Variants in ADAMTS17 observed in about 807,000 individuals in gnomAD.
ADAMTS17 encodes the protein ADAM metallopeptidase with thrombospondin type 1 motif 17, also known as A disintegrin and metalloproteinase with thrombospondin motifs 17.
In ADAMTS17, 113 loss-of-function variants were observed where a neutral mutation model predicts 141.5. That is an observed-to-expected ratio of 0.80 (90% CI 0.69 to 0.93). The LOEUF is 0.93. Ranked by LOEUF, ADAMTS17 falls within the 40% of genes least tolerant of loss-of-function variation. The probability of loss-of-function intolerance (pLI) is 0.00; values close to 1 mark genes in which losing one functional copy is unlikely to be tolerated. For synonymous variants in ADAMTS17, 768 were observed against 630.6 expected (o/e 1.22, Z -3.27); for missense variants, 1,659 against 1,517.9 (o/e 1.09, Z -1.54).
chr15:100,257,060 C>T (rs73481943), intron 6 of ADAMTS17: 17,616 of 152,254 alleles, frequency 0.12, 2,267 homozygotes, highest in African/African-American at 0.32. Context: ...ATACACTGTC[C>T]GGCTTGACCA....
At chr15:100,286,142 G>A (rs2044439427) in intron 3 of ADAMTS17, among the ~76,000 whole-genome samples, 1 of 152,094 alleles carries the variant, frequency 6.6e-6, no homozygotes, top group Non-Finnish European at 1.5e-5. Context: ...CCACCACTTT[G>A]TCAGCAAACA....
chr15:100,153,282 C>T (rs28699493), intron 9 of ADAMTS17, among the ~76,000 whole-genome samples: 22,637 of 152,122 alleles, frequency 0.15, 5,660 homozygotes, highest in African/African-American at 0.52. Flanking sequence ...CAACACTCGC[C>T]GAGGACTTCA....
intron 2 of ADAMTS17, among the ~76,000 whole-genome samples, chr15:100,337,711 A>C (rs909428320): frequency 6.6e-6 from 1 of 152,228 alleles, no homozygotes; most frequent in African/African-American, 2.4e-5. Flanking sequence ...TGGCAGACCA[A>C]ACCCGACAGC....
At chr15:100,048,010 C>T (rs1039844441) in intron 18 of ADAMTS17, among the ~76,000 whole-genome samples, 5 of 152,140 alleles carry the variant, frequency 3.3e-5, no homozygotes, top group Non-Finnish European at 5.9e-5. Flanking sequence ...CACTCAAACA[C>T]ATTTTAAGAG....
In ADAMTS17 at chr15:100,109,084, C is replaced by T. The variant is rs200610100; in HGVS notation, c.1921G>A (p.Gly641Arg). The T allele has an allele frequency of 4.6e-5, 75 of 1,613,576 alleles. No individual in the cohort carries two copies. The highest frequency in any genetic ancestry group is 4.4e-5 in the South Asian group (4 of 91,056). ...GCCACCAGCAGTGGGGACTCCTTCC[C>T]GAGGGGCGAGCAGTAGAGTTCACAT... is the stretch of plus-strand genomic sequence containing the variant. ...KPCELYCSPLGKESPLLVADR... is the reference protein window; with the variant it reads ...KPCELYCSPLRKESPLLVADR... The change falls in exon 14 of 22, where the codon GGG (glycine) becomes AGG (arginine). Residue 641 changes from glycine to arginine, a missense_variant. Coordinates refer to ENST00000268070, the MANE Select transcript of ADAMTS17 (RefSeq NM_139057.4).
At chr15:100,027,724 G>A (rs1399846313) in intron 18 of ADAMTS17, among the ~76,000 whole-genome samples, 1 of 152,220 alleles carries the variant, frequency 6.6e-6, no homozygotes, top group African/African-American at 2.4e-5. Flanking sequence ...AAGGGCTCAT[G>A]GATACAGCGT....
intron 18 of ADAMTS17, among the ~76,000 whole-genome samples, chr15:100,019,101 G>A (rs923425184): frequency 6.6e-6 from 1 of 152,204 alleles, no homozygotes; most frequent in African/African-American, 2.4e-5. Flanking sequence ...TGTGTAAGAC[G>A]AAATCATATA....
At chr15:100,325,633 G>T (rs1315435404) in intron 3 of ADAMTS17, among the ~76,000 whole-genome samples, 1 of 152,134 alleles carries the variant, frequency 6.6e-6, no homozygotes, top group African/African-American at 2.4e-5. Flanking sequence ...GCAAGAGTTG[G>T]CTGTTTAAAA....
chr15:100,061,581 G>T (rs1017278652), intron 15 of ADAMTS17, among the ~76,000 whole-genome samples: 16 of 152,218 alleles, frequency 1.1e-4, no homozygotes, highest in Admixed American at 9.2e-4. Context: ...GGAATGGGAA[G>T]TTGAGGAGTG....
At chr15:100,102,609 A>C (rs1372163131) in intron 14 of ADAMTS17, among the ~76,000 whole-genome samples, 1 of 151,684 alleles carries the variant, frequency 6.6e-6, no homozygotes, top group Non-Finnish European at 1.5e-5. Context: ...CTACATTTGA[A>C]GGCCGACTGA....
chr15:100,051,808 G>A (rs1226861628), intron 16 of ADAMTS17, 77 bp from the exon 17 acceptor site: 21 of 1,567,220 alleles, frequency 1.3e-5, no homozygotes, highest in Non-Finnish European at 1.8e-5. Context: ...GCACACACAG[G>A]CACACTGCGG....
At chr15:100,289,204 C>G (rs1241806931) in intron 3 of ADAMTS17, among the ~76,000 whole-genome samples, 1 of 152,166 alleles carries the variant, frequency 6.6e-6, no homozygotes, top group South Asian at 2.1e-4. Context: ...TTAAAGACTA[C>G]TATGAACACC....
chr15:100,099,473 A>C (rs2035965073), intron 14 of ADAMTS17, among the ~76,000 whole-genome samples: 1 of 151,778 alleles, frequency 6.6e-6, no homozygotes, highest in Non-Finnish European at 1.5e-5. Context: ...GATTGTATTT[A>C]TGAGGCTTGG....
In ADAMTS17 at chr15:100,196,618, C is replaced by G. The variant is rs138758270; in HGVS notation, c.1181+2700G>C. Reference sequence around the variant, plus strand: ...CATGGTAAGGGACCGGTGGGTGAGCCACCTGGAGACTTTCTTCACATAAGC... The same window carrying G: ...CATGGTAAGGGACCGGTGGGTGAGCGACCTGGAGACTTTCTTCACATAAGC... On this transcript the variant is annotated intron_variant, in intron 8 of 21. Transcript: ENST00000268070. Among the ~76,000 whole-genome samples, 5 of 152,338 alleles carry G rather than the reference C, an allele frequency of 3.3e-5. 1 individual carries two copies. The highest frequency in any genetic ancestry group is 1.2e-4 in the African/African-American group (5 of 41,582).
chr15:100,158,466 A>C (rs764467113), intron 8 of ADAMTS17, among the ~76,000 whole-genome samples: 2 of 152,230 alleles, frequency 1.3e-5, no homozygotes, highest in Non-Finnish European at 2.9e-5. Flanking sequence ...AACACTTCAC[A>C]TGAGAGCTGC....
chr15:100,034,881 T>C (rs992766978), intron 18 of ADAMTS17, among the ~76,000 whole-genome samples: 6 of 152,196 alleles, frequency 3.9e-5, no homozygotes, highest in African/African-American at 1.2e-4. Flanking sequence ...TCCTTCCCAG[T>C]GCAATGCCCT....
At position 99,997,116 on chromosome 15, in the gene ADAMTS17, T is replaced by G. The variant is rs2060817657; in HGVS notation, c.2796+269A>C. Among the ~76,000 whole-genome samples the G allele has an allele frequency of 6.6e-6, 1 of 152,244 alleles. No individual in the cohort carries two copies. The highest frequency in any genetic ancestry group is 1.5e-5 in the Non-Finnish European group (1 of 68,044). ...TAAAAAGTCGGTCAGTATCTGTCTA[T>G]CCTATCTTGATGTGAGAATTTTCAT... On this transcript the variant is annotated intron_variant, in intron 19 of 21. Transcript: ENST00000268070. This position sits in a 1 kb window ranked among gnomAD's most constrained non-coding sequence, Gnocchi z 4.7.
At chr15:100,216,707 C>T (rs944955973) in intron 7 of ADAMTS17, among the ~76,000 whole-genome samples, 1 of 152,178 alleles carries the variant, frequency 6.6e-6, no homozygotes, top group African/African-American at 2.4e-5. Context: ...ATGCTTTATC[C>T]AGAGGCCTAT....
At chr15:100,234,990 G>A (rs1423185347) in intron 7 of ADAMTS17, among the ~76,000 whole-genome samples, 1 of 152,176 alleles carries the variant, frequency 6.6e-6, no homozygotes, top group East Asian at 1.9e-4. Context: ...AAGCTGAATT[G>A]GCTTAAGAAG....
Sources: gnomAD v4.1 joint callset for allele counts (sites outside exome capture counted in the v4.1 genomes callset) on GRCh38, gnomAD v4.1.1 for gene constraint, Gnocchi (gnomAD v3.1) non-coding constraint, MANE v1.5 for transcripts, NCBI Gene and HGNC (gene_info 2026-07-23, HGNC 2026-07-21) for gene names.